RBBP8: variants seen among roughly 807,000 people sequenced by gnomAD.
The protein encoded by RBBP8 is RB binding protein 8, endonuclease.
In RBBP8, 88 loss-of-function variants were observed where a neutral mutation model predicts 108.3. The ratio of observed to expected loss-of-function variants is 0.81; its 90% CI spans 0.68 to 0.97. RBBP8 has a LOEUF of 0.97. Ranked by LOEUF, RBBP8 falls within the 50% of genes least tolerant of loss-of-function variation. The pLI is 0.00. For synonymous variants in RBBP8, 332 were observed against 348.2 expected, an observed-to-expected ratio of 0.95 and a Z score of 0.52; for missense variants, 1,023 against 1,049.0, an observed-to-expected ratio of 0.98 and a Z score of 0.34.
chr18:22,982,388 C>T lies in RBBP8; in HGVS notation c.599C>T (p.Ala200Val). The T allele has an allele frequency of 6.2e-7, 1 of 1,613,894 alleles. No individual in the cohort carries two copies. Among genetic ancestry groups the T allele is most frequent in the Non-Finnish European group, 8.5e-7 (1 of 1,179,944 alleles). Residue 200 changes from alanine to valine, a missense_variant, in exon 7 of 19, where the codon GCA becomes GTA. Physicochemically the swap from Ala to Val is moderately conservative, Grantham distance 64 (BLOSUM62 0). Transcript: ENST00000327155. Reference protein sequence around the residue: ...THTKLEHSVCANEMRKVSKSS... With the variant: ...THTKLEHSVCVNEMRKVSKSS... Reference sequence around the variant, plus strand: ...ACTAAATTGGAGCACTCTGTGTGTGCAAATGGTAAGAGTTGGAGTTGTATT... The same window carrying T: ...ACTAAATTGGAGCACTCTGTGTGTGTAAATGGTAAGAGTTGGAGTTGTATT...
At chr18:22,939,980 G>A (rs1910930251) in intron 2 of RBBP8, among the ~76,000 whole-genome samples, 1 of 150,946 alleles carries the variant, frequency 6.6e-6, no homozygotes, top group African/African-American at 2.5e-5. Context: ...ATAAGAGCTT[G>A]ATTTTATTCA....
chr18:22,943,099 G>T (rs560225981), intron 2 of RBBP8, among the ~76,000 whole-genome samples: 1 of 151,974 alleles, frequency 6.6e-6, no homozygotes, highest in East Asian at 1.9e-4. Context: ...TCTAAAAAGA[G>T]AACATTATCT....
intron 2 of RBBP8, among the ~76,000 whole-genome samples, chr18:22,945,368 ATTTTG>A (rs1007593478): frequency 5.9e-5 from 9 of 151,884 alleles, no homozygotes; most frequent in African/African-American, 9.7e-5. Context: ...ATTTTATTTT[ATTTTG>A]TTTTGTTTTA....
intron 8 of RBBP8, among the ~76,000 whole-genome samples, chr18:22,988,405 G>A (rs375067262): frequency 2.0e-5 from 3 of 152,068 alleles, no homozygotes; most frequent in Non-Finnish European, 4.4e-5. Context: ...CAAACCACGC[G>A]TAGTTCCCTG....
chr18:23,014,878 G>GT (rs1211589260), intron 16 of RBBP8, among the ~76,000 whole-genome samples: 1 of 151,494 alleles, frequency 6.6e-6, no homozygotes, highest in African/African-American at 2.4e-5. Context: ...TCTTTTTTCT[G>GT]GTTTTTTTTT....
chr18:22,935,046 C>T (rs746157358), intron 1 of RBBP8, among the ~76,000 whole-genome samples: 36 of 149,906 alleles, frequency 2.4e-4, no homozygotes, highest in Admixed American at 1.9e-3. Flanking sequence ...GACTTTTATT[C>T]ACAATTATAT....
chr18:22,976,711 T>C (rs1454243496), intron 6 of RBBP8, among the ~76,000 whole-genome samples: 1 of 152,060 alleles, frequency 6.6e-6, no homozygotes, highest in African/African-American at 2.4e-5. Context: ...CTACATTAAT[T>C]TATGTGAAGT....
At chr18:22,934,627 C>A (rs1910361956) in intron 1 of RBBP8, 1 of 152,036 alleles carries the variant, frequency 6.6e-6, no homozygotes. Flanking sequence ...CACCCATTAA[C>A]TCGTCATTTA....
At chr18:23,018,636 A>AATAGTTGTTAC (rs1568006780) in intron 17 of RBBP8, among the ~76,000 whole-genome samples, 1 of 151,542 alleles carries the variant, frequency 6.6e-6, no homozygotes, top group Non-Finnish European at 1.5e-5. Context: ...ATGCTTTGTA[A>AATAGTTGTTAC]ATAGTTGTTA....
chr18:23,018,046 A>G (rs1191817120), intron 17 of RBBP8, among the ~76,000 whole-genome samples: 2 of 149,666 alleles, frequency 1.3e-5, no homozygotes, highest in Non-Finnish European at 3.0e-5. Context: ...ATGCTGGCCA[A>G]GTTCTTTTTT....
intron 5 of RBBP8, 148 bp from the exon 6 acceptor site, chr18:22,975,005 G>T: frequency 9.9e-7 from 1 of 1,007,954 alleles, no homozygotes; most frequent in South Asian, 1.8e-5. Context: ...TTAGTTTTGC[G>T]CACACTAGTG....
rs541923558 is a variant in RBBP8, at chr18:22,956,331, T to C, written c.248+6618T>C. On this transcript the variant is annotated intron_variant, in intron 4 of 18. Coordinates refer to ENST00000327155, the MANE Select transcript of RBBP8 (RefSeq NM_002894.3). ...TTTTTTTTTCTTTTGTTTGGTCTTT[T>C]TGTTTTGTTTTGTTTTGTTTAGAGA... Among the ~76,000 whole-genome samples, 70 of 152,208 alleles carry C rather than the reference T, an allele frequency of 4.6e-4. 1 individual carries two copies. Among genetic ancestry groups the C allele is most frequent in the South Asian group, 1.9e-3 (9 of 4,824 alleles).
chr18:22,917,672 T>C (rs2144327287), intron 3 of RBBP8, among the ~76,000 whole-genome samples: 1 of 152,182 alleles, frequency 6.6e-6, no homozygotes, highest in East Asian at 1.9e-4. Context: ...GTCAGAAAGA[T>C]AAAAATAAAA....
intron 18 of RBBP8, among the ~76,000 whole-genome samples, chr18:23,024,270 A>T (rs2046420159): frequency 6.6e-6 from 1 of 151,578 alleles, no homozygotes; most frequent in African/African-American, 2.4e-5. Flanking sequence ...ATAGTTCAAA[A>T]CTCATTTGTT....
At chr18:22,930,699 T>C (rs946321471), upstream of RBBP8, among the ~76,000 whole-genome samples, 1 of 152,172 alleles carries the variant, frequency 6.6e-6, no homozygotes, top group Non-Finnish European at 1.5e-5. Context: ...CATTCATTCA[T>C]AGAATATTGA....
rs757827495 is a variant in RBBP8, at chr18:22,963,282, A to G, written c.249-5524A>G. 1.4e-3 allele frequency among the ~76,000 whole-genome samples: 206 copies of G among 151,450 alleles called. 1 individual carries two copies. Among genetic ancestry groups the G allele is most frequent in the Non-Finnish European group, 1.7e-3 (116 of 67,900 alleles). ...CCATTCCCATTTCCCTCTTCCTCCT[A>G]TGTAGTGTATAATAATTTTGGTTAG... On this transcript the variant is annotated intron_variant, in intron 4 of 18. Transcript: ENST00000327155.
intron 4 of RBBP8, among the ~76,000 whole-genome samples, chr18:22,960,451 T>G (rs1412259626): frequency 6.6e-6 from 1 of 152,076 alleles, no homozygotes; most frequent in Admixed American, 6.5e-5. Context: ...GCTGCTGAGG[T>G]GGGAGGATCA....
At chr18:22,922,843 G>A (rs891122776) in intron 3 of RBBP8, among the ~76,000 whole-genome samples, 2 of 152,054 alleles carry the variant, frequency 1.3e-5, no homozygotes, top group Non-Finnish European at 2.9e-5. Context: ...TTTTGCCATT[G>A]GGTTAGATGA....
Position 23,012,207 on chromosome 18 carries a change from C to CAAAAAAAAAAAAAAAAA in RBBP8, c.2358-4621_2358-4620insAAAAAAAAAAAAAAAAA, listed in dbSNP as rs368600707. On this transcript the variant is annotated intron_variant, in intron 16 of 18. Transcript: ENST00000327155. ...TGGGAGACAAAGTGAGATGCTGTCT[C>CAAAAAAAAAAAAAAAAA]CAAAAAAAAAAAAAAAAAAAAAAAC... 6.2e-5 allele frequency among the ~76,000 whole-genome samples: 5 copies of CAAAAAAAAAAAAAAAAA among 81,176 alleles called. 1 individual carries two copies. The highest frequency in any genetic ancestry group is 5.1e-4 in the Admixed American group (3 of 5,896). 53.3% of individuals were successfully genotyped at this position (81,176 alleles called of 152,430 possible). A position where few individuals can be genotyped will look rare whatever the true frequency, so the allele number is the denominator to read the frequency against.
Sources: gnomAD v4.1 joint callset for allele counts (sites outside exome capture counted in the v4.1 genomes callset) on GRCh38, gnomAD v4.1.1 for gene constraint, MANE v1.5 for transcripts, NCBI Gene and HGNC (gene_info 2026-07-23, HGNC 2026-07-21) for gene names.